TUT4: variants seen among roughly 807,000 people sequenced by gnomAD.
The protein encoded by TUT4 is terminal uridylyl transferase 4.
A neutral mutation model predicts 192.2 loss-of-function variants in TUT4; 36 were observed. The observed-to-expected ratio is 0.19, with a 90% CI of 0.14 to 0.25. The LOEUF (loss-of-function observed/expected upper bound fraction) is 0.25, where lower values mean the gene tolerates loss of function less well. Among genes scored for constraint, TUT4 ranks in the 10% least tolerant of loss-of-function variants. The pLI, the probability that TUT4 is intolerant of heterozygous loss-of-function variation, is 1.00. For synonymous variants in TUT4, 618 were observed against 666.0 expected, an observed-to-expected ratio of 0.93 and a Z score of 1.11; for missense variants, 1,493 against 1,957.2, an observed-to-expected ratio of 0.76 and a Z score of 4.47.
chr1:52,518,094 T>C (rs1679196511), intron 2 of TUT4, among the ~76,000 whole-genome samples: 1 of 152,218 alleles, frequency 6.6e-6, no homozygotes, highest in East Asian at 1.9e-4. Context: ...ATGTTAATAC[T>C]CTCACAAAAC....
intron 14 of TUT4, among the ~76,000 whole-genome samples, chr1:52,470,405 G>A (rs1303396688): frequency 2.6e-5 from 4 of 151,828 alleles, no homozygotes; most frequent in South Asian, 2.1e-4. Context: ...TAAAAAACAC[G>A]TGCCATGACC....
chr1:52,469,642 G>A (rs1306430912), intron 14 of TUT4, among the ~76,000 whole-genome samples: 1 of 152,104 alleles, frequency 6.6e-6, no homozygotes, highest in Non-Finnish European at 1.5e-5. Context: ...TGTAAGCCCA[G>A]CACTTTGGGA....
intron 9 of TUT4, among the ~76,000 whole-genome samples, chr1:52,486,094 T>C (rs1414059889): frequency 6.6e-6 from 1 of 152,172 alleles, no homozygotes; most frequent in African/African-American, 2.4e-5. Flanking sequence ...AACTGCCTAA[T>C]GAATAAGTCA....
intron 4 of TUT4, among the ~76,000 whole-genome samples, chr1:52,509,130 A>T (rs1313100945): frequency 1.3e-5 from 2 of 152,204 alleles, no homozygotes; most frequent in Non-Finnish European, 2.9e-5. Context: ...TTCAAAAGTC[A>T]CTTTCTCAGA....
At chr1:52,493,020 T>C (rs1671562492) in intron 7 of TUT4, among the ~76,000 whole-genome samples, 2 of 152,180 alleles carry the variant, frequency 1.3e-5, no homozygotes, top group South Asian at 4.1e-4. Context: ...GAAATGCCCA[T>C]AATATTCAAA....
At chr1:52,505,385 T>C (rs1036556604) in intron 4 of TUT4, among the ~76,000 whole-genome samples, 15 of 151,242 alleles carry the variant, frequency 9.9e-5, no homozygotes, top group Middle Eastern at 3.5e-3. Flanking sequence ...TATCATGTTA[T>C]AGAAGTCGTC....
rs1653880194 is a variant in TUT4, at chr1:52,436,637, T to C, written c.4162+118A>G. ...TAAATTTTATCTCTTTAAGAAATTG[T>C]AAGGTCCAAAATCATACAATTAGGT... On this transcript the variant is annotated intron_variant, in intron 26 of 29. Coordinates refer to ENST00000257177, the MANE Select transcript of TUT4 (RefSeq NM_001009881.3). 6 of 1,476,024 alleles carry C rather than the reference T, an allele frequency of 4.1e-6. No homozygotes were observed. In the South Asian group the frequency reaches 8.1e-5, roughly 20 times the overall value. The allele number at this position is 1,476,024 out of a possible 1,614,324, so 91.4% of individuals were successfully genotyped here. A position where few individuals can be genotyped will look rare whatever the true frequency, so the allele number is the denominator to read the frequency against.
chr1:52,473,979 G>A (rs1666450191), intron 13 of TUT4, among the ~76,000 whole-genome samples: 2 of 152,322 alleles, frequency 1.3e-5, no homozygotes, highest in South Asian at 4.1e-4. Flanking sequence ...GGCCAAAGCA[G>A]GCGGATCACT....
At chr1:52,548,181 C>CCAAA (rs1052211741) in intron 1 of TUT4, among the ~76,000 whole-genome samples, 3 of 152,120 alleles carry the variant, frequency 2.0e-5, no homozygotes, top group African/African-American at 4.8e-5. Context: ...CAAAAGGTCC[C>CCAAA]CATAGTTTGA....
At chr1:52,462,227 C>T (rs901419036) in intron 16 of TUT4, 2 of 150,720 alleles carry the variant, frequency 1.3e-5, no homozygotes, top group African/African-American at 5.0e-5. Flanking sequence ...GCTCTTTCGC[C>T]CAGGCCGGAG....
intron 19 of TUT4, among the ~76,000 whole-genome samples, chr1:52,460,747 G>A (rs1303274489): frequency 6.6e-6 from 1 of 152,206 alleles, no homozygotes; most frequent in Non-Finnish European, 1.5e-5. Flanking sequence ...TATAATAGGA[G>A]AAGCGTAAGG....
At chr1:52,523,559 A>C (rs999763446) in intron 2 of TUT4, among the ~76,000 whole-genome samples, 2 of 151,768 alleles carry the variant, frequency 1.3e-5, no homozygotes, top group African/African-American at 4.8e-5. Context: ...ACACCACTGC[A>C]CTCCAGCCGG....
chr1:52,465,051 G>C lies in TUT4; in HGVS notation c.3069+19C>G. ...TTGGGAGAAAATAAACTTACATAACGCTTTCCAAACACTCTTACCTCTGCA... is the reference window on the plus strand; with the variant it reads ...TTGGGAGAAAATAAACTTACATAACCCTTTCCAAACACTCTTACCTCTGCA... On this transcript the variant is annotated intron_variant, in intron 16 of 29. Coordinates refer to ENST00000257177, the MANE Select transcript of TUT4 (RefSeq NM_001009881.3). The C allele has an allele frequency of 6.4e-7, 1 of 1,560,750 alleles. No homozygotes were observed. The highest frequency in any genetic ancestry group is 8.7e-7 in the Non-Finnish European group (1 of 1,152,158).
intron 19 of TUT4, among the ~76,000 whole-genome samples, chr1:52,460,208 T>C (rs961839956): frequency 6.6e-6 from 1 of 151,988 alleles, no homozygotes; most frequent in African/African-American, 2.4e-5. Context: ...AAAAATATGA[T>C]TTCCAGTCAG....
chr1:52,539,887 C>G (rs1686026740), intron 1 of TUT4, among the ~76,000 whole-genome samples: 1 of 144,152 alleles, frequency 6.9e-6, no homozygotes, highest in African/African-American at 2.7e-5. Context: ...GCCTGGGTGA[C>G]AAGAGCAAGA....
At chr1:52,512,994 A>G (rs1478180399) in intron 3 of TUT4, among the ~76,000 whole-genome samples, 1 of 151,994 alleles carries the variant, frequency 6.6e-6, no homozygotes, top group East Asian at 1.9e-4. Context: ...GTGGTAGCGC[A>G]TGCCTGTAGT....
intron 16 of TUT4, among the ~76,000 whole-genome samples, chr1:52,464,129 G>A (rs974620263): frequency 2.6e-5 from 4 of 152,158 alleles, no homozygotes; most frequent in African/African-American, 7.2e-5. Context: ...TACCTACCTC[G>A]AAGGTGGTTG....
chr1:52,496,094 C>T (rs1672378896), intron 5 of TUT4, among the ~76,000 whole-genome samples: 1 of 152,048 alleles, frequency 6.6e-6, no homozygotes, highest in Non-Finnish European at 1.5e-5. Flanking sequence ...CATAATAAGG[C>T]AAATGTTAAA....
chr1:52,502,056 T>G (rs1331646587), intron 4 of TUT4, among the ~76,000 whole-genome samples: 1 of 151,728 alleles, frequency 6.6e-6, no homozygotes, highest in Non-Finnish European at 1.5e-5. Context: ...ACAATGTAAA[T>G]GTACTTAATG....
Sources: gnomAD v4.1 joint callset for allele counts (sites outside exome capture counted in the v4.1 genomes callset) on GRCh38, gnomAD v4.1.1 for gene constraint, MANE v1.5 for transcripts, NCBI Gene and HGNC (gene_info 2026-07-23, HGNC 2026-07-21) for gene names.